The following GP2 variants were observed in gnomAD, a reference collection of about 807,000 sequenced individuals.
GP2 encodes the protein glycoprotein 2, also known as pancreatic secretory granule membrane major glycoprotein GP2.
In GP2, 58 loss-of-function variants were observed where a neutral mutation model predicts 60.8. That is an observed-to-expected ratio of 0.95 (90% CI 0.77 to 1.19). The LOEUF (loss-of-function observed/expected upper bound fraction) is 1.19. Among genes scored for constraint, GP2 ranks in the 50% most tolerant of loss-of-function variants. GP2 has a pLI of 0.00. For missense variants in GP2, 647 were observed against 667.4 expected, an observed-to-expected ratio of 0.97 and a Z score of 0.34; for synonymous variants, 280 against 253.4, an observed-to-expected ratio of 1.10 and a Z score of -1.00.
In GP2 at chr16:20,324,193, G is replaced by T; in HGVS notation, c.158C>A (p.Thr53Asn). 1 of 1,613,626 alleles carries T rather than the reference G, an allele frequency of 6.2e-7. No homozygotes were observed. Among genetic ancestry groups the T allele is most frequent in the Non-Finnish European group, 8.5e-7 (1 of 1,179,512 alleles). ...GLDLDCGAPG[T>N]PEAHVCFDPC... ...GTCAAAACAGACATGAGCCTCTGGG[G>T]TGCCAGGAGCTCCGCAGTCCAGGTC... Residue 53 changes from threonine to asparagine, a missense_variant, in exon 3 of 11, where the codon ACC becomes AAC. Transcript: ENST00000302555.
Position 20,326,463 on chromosome 16 carries a change from T to C in GP2, c.-32A>G. On this transcript the variant is annotated 5_prime_UTR_variant, in exon 2 of 11. It removes an upstream start codon present in the reference 5' UTR. Transcript: ENST00000302555. The stretch of plus-strand genomic sequence containing the variant: ...CACTTTGCTGTATGCAGACTTCCCA[T>C]GCAGCTATGGGAAAGAAAAGACCAA... 6.2e-7 allele frequency: 1 copy of C among 1,611,938 alleles called. No individual in the cohort carries two copies. Among genetic ancestry groups the C allele is most frequent in the Non-Finnish European group, 8.5e-7 (1 of 1,178,456 alleles).
intron 3 of GP2, chr16:20,323,293 C>T: frequency 1.4e-6 from 1 of 695,558 alleles, no homozygotes; most frequent in Non-Finnish European, 2.7e-6. Flanking sequence ...AGTTCAAATC[C>T]CAGCTGTACC....
intron 10 of GP2, among the ~76,000 whole-genome samples, chr16:20,312,097 C>T (rs1964010724): frequency 6.6e-6 from 1 of 152,150 alleles, no homozygotes; most frequent in Non-Finnish European, 1.5e-5. Context: ...ACATGGTAAA[C>T]ACTATATAAA....
chr16:20,318,555 C>T, intron 6 of GP2, 125 bp from the exon 7 acceptor site: 1 of 826,452 alleles, frequency 1.2e-6, no homozygotes, highest in Non-Finnish European at 2.0e-6. Flanking sequence ...ACTAGTCAAT[C>T]AGTCGTTTAA....
chr16:20,324,234 G>C lies in GP2; in HGVS notation c.117C>G (p.Ala39=). Residue 39 remains alanine (A), a synonymous_variant, in exon 3 of 11, where the codon GCC becomes GCG. Coordinates refer to ENST00000302555, the MANE Select transcript of GP2 (RefSeq NM_001502.4). The part of the protein sequence containing the change: ...VQRGYGNPIE[A]SSYGLDLDCG... ...AGTCCAGGTCCAGCCCATACGAACT[G>C]GCTTCAATGGGGTTTCCATAACCTG... 1 of 1,600,866 alleles carries C rather than the reference G, an allele frequency of 6.2e-7. No homozygotes were observed. The highest frequency in any genetic ancestry group is 8.5e-7 in the Non-Finnish European group (1 of 1,170,026).
chr16:20,322,387 G>T (rs1382656127), intron 4 of GP2, among the ~76,000 whole-genome samples: 3 of 152,110 alleles, frequency 2.0e-5, no homozygotes, highest in Admixed American at 2.0e-4. Context: ...ATCACCTCCT[G>T]AGCCTGCCCA....
In GP2 at chr16:20,310,926, T is replaced by C. The variant is rs1963977306; in HGVS notation, c.*297A>G. Reference sequence around the variant, plus strand: ...CGCCTGCCACCATGCCTGGCTAATTTTTGTATTTTTAGTAGAGACGGAGTT... The same window carrying C: ...CGCCTGCCACCATGCCTGGCTAATTCTTGTATTTTTAGTAGAGACGGAGTT... On this transcript the variant is annotated 3_prime_UTR_variant, in exon 11 of 11. Coordinates refer to ENST00000302555, the MANE Select transcript of GP2 (RefSeq NM_001502.4). The C allele has an allele frequency of 4.5e-6, 1 of 224,032 alleles. No individual in the cohort carries two copies. The highest frequency in any genetic ancestry group is 9.0e-6 in the Non-Finnish European group (1 of 111,280). The allele number at this position is 224,032 out of a possible 1,614,324, so 13.9% of individuals were successfully genotyped here. A position where few individuals can be genotyped will look rare whatever the true frequency, so the allele number is the denominator to read the frequency against.
intron 10 of GP2, 73 bp downstream of exon 10, chr16:20,314,584 A>G (rs370957749): frequency 9.4e-6 from 10 of 1,063,776 alleles, no homozygotes; most frequent in African/African-American, 3.1e-5. Context: ...GGTCTGGGCC[A>G]TAAAAGGGGC....
chr16:20,324,695 C>G (rs1360625475), intron 2 of GP2, among the ~76,000 whole-genome samples: 1 of 152,104 alleles, frequency 6.6e-6, no homozygotes, highest in Non-Finnish European at 1.5e-5. Flanking sequence ...TGTAATATAG[C>G]CTTCTTCTTA....
chr16:20,323,492 C>G (rs969978040), intron 3 of GP2: 3 of 617,662 alleles, frequency 4.9e-6, no homozygotes, highest in Non-Finnish European at 3.0e-6. Flanking sequence ...TGTACCCCCC[C>G]CCCCTTTTTT....
intron 10 of GP2, among the ~76,000 whole-genome samples, chr16:20,314,175 G>A (rs1443268178): frequency 6.6e-6 from 1 of 150,504 alleles, no homozygotes; most frequent in Admixed American, 6.6e-5. Context: ...AACCACCATG[G>A]CACATATATA....
In GP2 at chr16:20,324,141, A is replaced by G. The variant is rs1172562390; in HGVS notation, c.210T>C (p.Asp70=). 1.9e-6 allele frequency: 3 copies of G among 1,614,068 alleles called. No homozygotes were observed. The highest frequency in any genetic ancestry group is 2.5e-6 in the Non-Finnish European group (3 of 1,179,902). Residue 70 remains aspartate, a synonymous_variant, in exon 3 of 11, where the codon GAT becomes GAC. Coordinates refer to ENST00000302555, the MANE Select transcript of GP2 (RefSeq NM_001502.4). ...FDPCQNYTLL[D]EPFRSTENSA... ...AGTTCTCTGTGCTTCGGAAGGGTTCATCCAGGAGGGTGTAATTCTGACAGG... is the reference window on the plus strand; with the variant it reads ...AGTTCTCTGTGCTTCGGAAGGGTTCGTCCAGGAGGGTGTAATTCTGACAGG...
rs1964213686 is a variant in GP2, at chr16:20,317,346, T to G, written c.1283A>C (p.His428Pro). ...SCSNQRDSTI[H>P]VEENGQSSES... is the part of the protein sequence containing the mutation. ...CGAGGACTGCCCATTCTCCTCCACG[T>G]GGATGGTGGAATCACGTTGATTTGA... is the stretch of plus-strand genomic sequence containing the variant. Residue 428 changes from histidine (H) to proline (P), a missense_variant, in exon 8 of 11, where the codon CAC becomes CCC. Coordinates refer to ENST00000302555, the MANE Select transcript of GP2 (RefSeq NM_001502.4). 6.2e-7 allele frequency: 1 copy of G among 1,613,624 alleles called. No individual in the cohort carries two copies.
rs7190375 is a variant in GP2, at chr16:20,322,114, G to A, written c.646+755C>T. ...ATCGCCCTGTTCACACTGTGGCTCCGTTTTCCAAATGTGTCATGCTCCTTC... is the reference window on the plus strand; with the variant it reads ...ATCGCCCTGTTCACACTGTGGCTCCATTTTCCAAATGTGTCATGCTCCTTC... On this transcript the variant is annotated intron_variant, in intron 4 of 10. Transcript: ENST00000302555. Among the ~76,000 whole-genome samples, 493 of 152,292 alleles carry A rather than the reference G, an allele frequency of 3.2e-3. 2 individuals carry two copies. Among genetic ancestry groups the A allele is most frequent in the African/African-American group, 0.011 (457 of 41,564 alleles).
Position 20,324,001 on chromosome 16 carries a change from G to A in GP2, c.350C>T (p.Ala117Val). ...CVQVHRCQTD[A>V]PMWLNGTHPA... is the part of the protein sequence containing the mutation. Reference sequence around the variant, plus strand: ...GTGGGTCCCATTCAGCCACATGGGAGCGTCTGTCTGGCATCGGTGCACCTG... The same window carrying A: ...GTGGGTCCCATTCAGCCACATGGGAACGTCTGTCTGGCATCGGTGCACCTG... Residue 117 changes from alanine to valine, a missense_variant, in exon 3 of 11, where the codon GCT (alanine) becomes GTT (valine). By Grantham distance (64) the Ala-to-Val change is moderately conservative. Transcript: ENST00000302555. The A allele has an allele frequency of 2.5e-6, 4 of 1,614,090 alleles. No individual in the cohort carries two copies. The highest frequency in any genetic ancestry group is 3.4e-6 in the Non-Finnish European group (4 of 1,179,924).
At chr16:20,319,119 C>T (rs985633558) in intron 6 of GP2, among the ~76,000 whole-genome samples, 22 of 151,990 alleles carry the variant, frequency 1.4e-4, no homozygotes, top group East Asian at 1.9e-4. Context: ...CCTGTTTATC[C>T]GATAAAAGCT....
chr16:20,322,276 C>T (rs192911523), intron 4 of GP2, among the ~76,000 whole-genome samples: 1 of 152,290 alleles, frequency 6.6e-6, no homozygotes, highest in Admixed American at 6.5e-5. Flanking sequence ...CAGTGGGAGG[C>T]TCATCCATCC....
Position 20,323,894 on chromosome 16 carries a change from G to T in GP2, c.457C>A (p.Leu153Met). ...GNCCFWKTEV[L>M]VKACPGGYHV... Reference sequence around the variant, plus strand: ...TACCCGCCTGGGCAGGCCTTCACCAGCACCTCTGTTTTCCAGAAACAGCAG... The same window carrying T: ...TACCCGCCTGGGCAGGCCTTCACCATCACCTCTGTTTTCCAGAAACAGCAG... Residue 153 changes from leucine (L) to methionine (M), a missense_variant, in exon 3 of 11, where the codon CTG (leucine) becomes ATG (methionine). Leu to Met is a conservative substitution (Grantham distance 15). Transcript: ENST00000302555. 6.2e-7 allele frequency: 1 copy of T among 1,614,114 alleles called. No individual in the cohort carries two copies. The highest frequency in any genetic ancestry group is 8.5e-7 in the Non-Finnish European group (1 of 1,179,964).
At chr16:20,325,076 A>G (rs1964496077) in intron 2 of GP2, among the ~76,000 whole-genome samples, 2 of 152,246 alleles carry the variant, frequency 1.3e-5, no homozygotes, top group Admixed American at 1.3e-4. Context: ...CATTTTTAAA[A>G]ACAGTTTTAG....
Sources: gnomAD v4.1 joint callset for allele counts (sites outside exome capture counted in the v4.1 genomes callset) on GRCh38, gnomAD v4.1.1 for gene constraint, MANE v1.5 for transcripts, NCBI Gene and HGNC (gene_info 2026-07-23, HGNC 2026-07-21) for gene names.